Variants in AKAP19 observed in about 807,000 individuals in gnomAD.
AKAP19 encodes small A-kinase anchoring protein.
At chr2:190,180,775 AC>A in the AKAP19 span, 1 of 985,130 alleles carries the variant, frequency 1.0e-6, no homozygotes, top group Non-Finnish European at 1.2e-6. This position sits in a 1 kb window ranked among gnomAD's most constrained non-coding sequence, Gnocchi z 6.8. Flanking sequence ...CGGGCCGCGA[AC>A]CCGCGAGGAG....
At chr2:190,173,009 A>G in the AKAP19 span, among the ~76,000 whole-genome samples, 1 of 151,992 alleles carries the variant, frequency 6.6e-6, no homozygotes, top group Non-Finnish European at 1.5e-5. Flanking sequence ...CAGCTACTCC[A>G]GAGGCTGAGG....
At chr2:190,156,235 T>C in the AKAP19 span, among the ~76,000 whole-genome samples, 1 of 152,164 alleles carries the variant, frequency 6.6e-6, no homozygotes, top group African/African-American at 2.4e-5. Flanking sequence ...TAGGTTATTT[T>C]TAAAATAGTG....
the AKAP19 span, among the ~76,000 whole-genome samples, chr2:190,174,315 A>G: frequency 6.6e-6 from 1 of 152,178 alleles, no homozygotes; most frequent in African/African-American, 2.4e-5. Flanking sequence ...TTTACTTCCA[A>G]CACTGCCATG....
chr2:189,968,328 C>G, the AKAP19 span, among the ~76,000 whole-genome samples: 11 of 152,132 alleles, frequency 7.2e-5, no homozygotes, highest in Non-Finnish European at 1.2e-4. Context: ...GCCTCAAATT[C>G]CTGGACTCAG....
At chr2:190,191,004 C>A in the AKAP19 span, among the ~76,000 whole-genome samples, 1 of 152,124 alleles carries the variant, frequency 6.6e-6, no homozygotes, top group Non-Finnish European at 1.5e-5. Context: ...TCCAGAATGT[C>A]ATATAAATAA....
chr2:190,065,619 A>T, the AKAP19 span, among the ~76,000 whole-genome samples: 1 of 152,150 alleles, frequency 6.6e-6, no homozygotes, highest in Non-Finnish European at 1.5e-5. Context: ...TGTATTTGTA[A>T]ACAAAAACAT....
chr2:190,112,797 C>A, the AKAP19 span, among the ~76,000 whole-genome samples: 12 of 152,078 alleles, frequency 7.9e-5, no homozygotes, highest in South Asian at 2.5e-3. Flanking sequence ...GTGAAATTGC[C>A]CATAATTTCG....
At chr2:190,079,856 G>GGTGTGTGTGTGTGTGT in the AKAP19 span, 4 of 139,574 alleles carry the variant, frequency 2.9e-5, no homozygotes, top group African/African-American at 1.0e-4. Flanking sequence ...AAAAATGAGG[G>GGTGTGTGTGTGTGTGT]GTGTGTGTGT....
the AKAP19 span, among the ~76,000 whole-genome samples, chr2:190,194,504 A>ACACACACACACACACG: frequency 6.7e-6 from 1 of 149,514 alleles, no homozygotes; most frequent in Non-Finnish European, 1.5e-5. Context: ...ACACACACAC[A>ACACACACACACACACG]CACACACACA....
chr2:190,196,751 T>C, the AKAP19 span, among the ~76,000 whole-genome samples: 1 of 152,202 alleles, frequency 6.6e-6, no homozygotes, highest in African/African-American at 2.4e-5. Flanking sequence ...TGAAGCTTTA[T>C]TGGATATAGC....
the AKAP19 span, among the ~76,000 whole-genome samples, chr2:190,052,064 C>T: frequency 6.6e-6 from 1 of 152,010 alleles, no homozygotes; most frequent in Non-Finnish European, 1.5e-5. Flanking sequence ...TGGTCTTGAT[C>T]TCCTGACCTC....
the AKAP19 span, among the ~76,000 whole-genome samples, chr2:189,953,206 G>A: frequency 6.6e-6 from 1 of 152,092 alleles, no homozygotes; most frequent in South Asian, 2.1e-4. Context: ...CTTGTCCGTC[G>A]AGTTCACTAA....
At chr2:190,002,303 G>C in the AKAP19 span, among the ~76,000 whole-genome samples, 2 of 152,058 alleles carry the variant, frequency 1.3e-5, no homozygotes, top group African/African-American at 4.8e-5. Flanking sequence ...TCTTGTTCTG[G>C]TCATTGCCAG....
the AKAP19 span, among the ~76,000 whole-genome samples, chr2:189,970,913 C>T: frequency 3.3e-5 from 5 of 152,116 alleles, no homozygotes; most frequent in African/African-American, 7.2e-5. Flanking sequence ...CTGTAATTTG[C>T]ATTTTTTGAT....
chr2:189,929,965 A>T, the AKAP19 span, among the ~76,000 whole-genome samples: 2 of 152,196 alleles, frequency 1.3e-5, no homozygotes, highest in African/African-American at 4.8e-5. Context: ...ATACAATTTA[A>T]ACAAATACAG....
the AKAP19 span, among the ~76,000 whole-genome samples, chr2:190,038,361 C>G: frequency 1.3e-5 from 2 of 152,152 alleles, no homozygotes; most frequent in African/African-American, 4.8e-5. Flanking sequence ...TTCTTAGAAA[C>G]CATCTGGAGA....
At chr2:190,180,071 G>T in the AKAP19 span, among the ~76,000 whole-genome samples, 1,029 of 152,322 alleles carry the variant, frequency 6.8e-3, 12 homozygotes, top group African/African-American at 0.022. The surrounding 1 kb of genome is among the most constrained non-coding windows in gnomAD (Gnocchi z 6.8). Context: ...AACACGCTTG[G>T]AAAATGTTCT....
the AKAP19 span, among the ~76,000 whole-genome samples, chr2:190,124,061 G>T: frequency 6.6e-6 from 1 of 152,214 alleles, no homozygotes; most frequent in South Asian, 2.1e-4. Context: ...CATACTGAGA[G>T]TTATATGATC....
chr2:189,939,410 A>G, the AKAP19 span, among the ~76,000 whole-genome samples: 1 of 151,314 alleles, frequency 6.6e-6, no homozygotes, highest in South Asian at 2.1e-4. Flanking sequence ...TCTACAACCT[A>G]GCAGTGGAAA....
Sources: allele counts gnomAD v4.1 joint callset (sites outside exome capture counted in the v4.1 genomes callset), GRCh38; gene constraint gnomAD v4.1.1; non-coding constraint Gnocchi (gnomAD v3.1); transcripts MANE v1.5; gene names NCBI Gene and HGNC (gene_info 2026-07-23, HGNC 2026-07-21).